The following COP1 variants were observed in gnomAD, a reference collection of about 807,000 sequenced individuals.
COP1 encodes COP1 E3 ubiquitin ligase, also known as E3 ubiquitin-protein ligase COP1.
In COP1, 24 loss-of-function variants were observed where a neutral mutation model predicts 101.3. The observed-to-expected ratio is 0.24, with a 90% CI of 0.17 to 0.33. The LOEUF is 0.33. COP1 is among the 10% of genes least tolerant of loss of function. The pLI is 1.00. For synonymous variants in COP1, 347 were observed against 341.9 expected (o/e 1.01, Z -0.17); for missense variants, 663 against 906.2 (o/e 0.73, Z 3.45).
At position 176,164,235 on chromosome 1, in the gene COP1, C is replaced by T. The variant is rs1694759361; in HGVS notation, c.566-344G>A. ...CCATATGGTAACAAGGCATGAGTAA[C>T]TGAGTATCTACTATGAGTTAAGTAC... On this transcript the variant is annotated intron_variant, in intron 3 of 19. Transcript: ENST00000367669. Among the ~76,000 whole-genome samples the T allele has an allele frequency of 2.6e-5, 4 of 152,196 alleles. No individual in the cohort carries two copies. In the South Asian group the frequency reaches 8.3e-4, roughly 31 times the overall value.
At chr1:176,106,652 T>G (rs1684362628) in intron 9 of COP1, among the ~76,000 whole-genome samples, 1 of 152,172 alleles carries the variant, frequency 6.6e-6, no homozygotes, top group African/African-American at 2.4e-5. Context: ...TTCCCTATTA[T>G]TTCATCTCCT....
chr1:175,966,242 G>A (rs1435075581), intron 18 of COP1, among the ~76,000 whole-genome samples: 3 of 151,526 alleles, frequency 2.0e-5, no homozygotes, highest in Non-Finnish European at 4.4e-5. Flanking sequence ...AAAATCCAAG[G>A]GGGTTGAGTG....
At chr1:176,178,854 C>T (rs1291020641) in intron 2 of COP1, among the ~76,000 whole-genome samples, 1 of 150,986 alleles carries the variant, frequency 6.6e-6, no homozygotes, top group African/African-American at 2.4e-5. Context: ...ACTCCGTCCC[C>T]ACCCCACTCC....
chr1:176,146,776 T>A (rs1345821113), intron 6 of COP1, among the ~76,000 whole-genome samples: 2 of 152,212 alleles, frequency 1.3e-5, no homozygotes, highest in Non-Finnish European at 2.9e-5. Flanking sequence ...ACATCAAATT[T>A]GAGAGTAATT....
intron 1 of COP1, among the ~76,000 whole-genome samples, chr1:176,196,144 A>G (rs892541792): frequency 6.6e-6 from 1 of 152,222 alleles, no homozygotes; most frequent in African/African-American, 2.4e-5. Context: ...AATTGATAAG[A>G]TTAAGTGTTG....
At chr1:176,073,983 G>A (rs1008877850) in intron 11 of COP1, among the ~76,000 whole-genome samples, 3 of 152,110 alleles carry the variant, frequency 2.0e-5, no homozygotes, top group African/African-American at 7.2e-5. Flanking sequence ...CTGTTGCCCA[G>A]TGCAGTGATC....
At chr1:176,099,601 T>C (rs1375691160) in intron 9 of COP1, among the ~76,000 whole-genome samples, 1 of 152,130 alleles carries the variant, frequency 6.6e-6, no homozygotes, top group Non-Finnish European at 1.5e-5. Flanking sequence ...GGCAATATAG[T>C]TGTTTACATC....
chr1:175,964,861 A>G (rs970130547), intron 18 of COP1, among the ~76,000 whole-genome samples: 1 of 152,198 alleles, frequency 6.6e-6, no homozygotes, highest in African/African-American at 2.4e-5. Flanking sequence ...CACAATCTAT[A>G]CTATATCTGT....
chr1:176,034,296 G>C (rs941155889), intron 14 of COP1, among the ~76,000 whole-genome samples: 2 of 152,070 alleles, frequency 1.3e-5, no homozygotes, highest in Non-Finnish European at 2.9e-5. Context: ...CAGGGATTGG[G>C]AGTAATTTTT....
intron 18 of COP1, among the ~76,000 whole-genome samples, chr1:175,967,004 T>C (rs1011858648): frequency 2.0e-5 from 3 of 152,234 alleles, no homozygotes; most frequent in African/African-American, 7.2e-5. Flanking sequence ...CAAAATCAGT[T>C]AATCCCAAAT....
intron 15 of COP1, among the ~76,000 whole-genome samples, chr1:176,006,416 G>A (rs373669256): frequency 1.3e-5 from 2 of 152,126 alleles, no homozygotes; most frequent in Non-Finnish European, 2.9e-5. Context: ...TATTTTGCTC[G>A]TTAGTTGATG....
chr1:176,166,602 T>C (rs1047808828), intron 3 of COP1, among the ~76,000 whole-genome samples: 3 of 152,244 alleles, frequency 2.0e-5, no homozygotes, highest in Admixed American at 6.5e-5. Context: ...AGATTTTTCA[T>C]GGAGTTACTT....
intron 15 of COP1, among the ~76,000 whole-genome samples, chr1:176,009,406 CATATA>C (rs1664194216): frequency 6.6e-6 from 1 of 151,958 alleles, no homozygotes; most frequent in Non-Finnish European, 1.5e-5. Flanking sequence ...AACATAGTAC[CATATA>C]ATAATATACT....
At chr1:176,060,031 A>C (rs1674565147) in intron 11 of COP1, among the ~76,000 whole-genome samples, 1 of 152,210 alleles carries the variant, frequency 6.6e-6, no homozygotes, top group Non-Finnish European at 1.5e-5. Context: ...ATTCTGAATT[A>C]ATGGACAGAC....
chr1:176,154,706 C>T (rs1693186554), intron 5 of COP1, among the ~76,000 whole-genome samples: 1 of 152,000 alleles, frequency 6.6e-6, no homozygotes, highest in Non-Finnish European at 1.5e-5. Flanking sequence ...AGCTGGGTGA[C>T]AAAATAATCT....
At chr1:176,048,938 C>T (rs181999848) in intron 11 of COP1, among the ~76,000 whole-genome samples, 20 of 150,526 alleles carry the variant, frequency 1.3e-4, no homozygotes, top group African/African-American at 3.9e-4. Flanking sequence ...TTTGGGAGGC[C>T]GAGGCGGGTG....
chr1:176,048,445 T>C (rs943317095), intron 11 of COP1, among the ~76,000 whole-genome samples: 2 of 152,184 alleles, frequency 1.3e-5, no homozygotes, highest in Non-Finnish European at 2.9e-5. Context: ...GTAGATTTAT[T>C]TGTACAACCT....
intron 1 of COP1, among the ~76,000 whole-genome samples, chr1:176,201,198 C>CA (rs916503435): frequency 6.6e-6 from 1 of 151,582 alleles, no homozygotes; most frequent in African/African-American, 2.4e-5. Context: ...AAACAAAAAC[C>CA]AAAAAAACCC....
intron 5 of COP1, among the ~76,000 whole-genome samples, chr1:176,158,861 G>A (rs927048872): frequency 2.0e-5 from 3 of 151,884 alleles, no homozygotes; most frequent in African/African-American, 4.8e-5. Context: ...GGCTGGTCTC[G>A]AACTCCTGAG....
Sources: gnomAD v4.1 joint callset for allele counts (sites outside exome capture counted in the v4.1 genomes callset) on GRCh38, gnomAD v4.1.1 for gene constraint, MANE v1.5 for transcripts, NCBI Gene and HGNC (gene_info 2026-07-23, HGNC 2026-07-21) for gene names.